DENND1B: variants seen among roughly 807,000 people sequenced by gnomAD.
DENND1B encodes DENN domain-containing protein 1B.
Under a neutral mutation model 90.1 loss-of-function variants are expected in DENND1B, and 59 were observed. The observed-to-expected ratio is 0.65, with a 90% CI of 0.53 to 0.81. DENND1B has a LOEUF of 0.81. Ranked by LOEUF, DENND1B falls within the 40% of genes least tolerant of loss-of-function variation. The pLI is 0.00. For missense variants in DENND1B, 862 were observed against 912.6 expected (o/e 0.94, Z 0.71); for synonymous variants, 337 against 324.6 (o/e 1.04, Z -0.41).
At chr1:197,754,304 A>C (rs916801539) in intron 2 of DENND1B, among the ~76,000 whole-genome samples, 72 of 152,330 alleles carry the variant, frequency 4.7e-4, no homozygotes, top group African/African-American at 1.5e-3. Flanking sequence ...ATGATACTCA[A>C]GAACTTATTT....
chr1:197,596,479 G>GA (rs1001326866), intron 13 of DENND1B, among the ~76,000 whole-genome samples: 1 of 151,344 alleles, frequency 6.6e-6, no homozygotes. Context: ...GTTTTATTTA[G>GA]AAAAAAAACT....
chr1:197,666,718 A>G (rs142414318), intron 5 of DENND1B, among the ~76,000 whole-genome samples: 2 of 152,364 alleles, frequency 1.3e-5, no homozygotes, highest in African/African-American at 4.8e-5. Context: ...TTCTGGAAGC[A>G]GCACAGTCTG....
chr1:197,678,534 A>G (rs1202296154), intron 3 of DENND1B, among the ~76,000 whole-genome samples: 1 of 152,148 alleles, frequency 6.6e-6, no homozygotes, highest in Non-Finnish European at 1.5e-5. Flanking sequence ...ATTTATTTAT[A>G]CTTTACACAA....
intron 2 of DENND1B, among the ~76,000 whole-genome samples, chr1:197,759,196 T>C (rs1406760656): frequency 6.6e-6 from 1 of 151,604 alleles, no homozygotes; most frequent in Non-Finnish European, 1.5e-5. Flanking sequence ...CTGGAACTCC[T>C]GGCCTCATGT....
rs1433705510 is a variant in DENND1B at position 197,506,446 on chromosome 1, T to A, written c.*4014A>T. Reference sequence around the variant, plus strand: ...ACTAGATTTGGGGATTCATTTTACATTCTTAAATATTCTGATTTACAAATA... The same window carrying A: ...ACTAGATTTGGGGATTCATTTTACAATCTTAAATATTCTGATTTACAAATA... On this transcript the variant is annotated 3_prime_UTR_variant, in exon 23 of 23. Coordinates refer to ENST00000620048, the MANE Select transcript of DENND1B (RefSeq NM_001195215.2). 6.6e-6 allele frequency: 1 copy of A among 151,574 alleles called. No homozygotes were observed. Among genetic ancestry groups the A allele is most frequent in the African/African-American group, 2.4e-5 (1 of 41,382 alleles). 9.4% of individuals were successfully genotyped at this position (151,574 alleles called of 1,614,324 possible).
chr1:197,545,782 C>A, intron 18 of DENND1B, 140 bp downstream of exon 18: 1 of 655,872 alleles, frequency 1.5e-6, no homozygotes, highest in Middle Eastern at 4.4e-4. Context: ...ATTGAATTTG[C>A]TTTGGTCAAT....
chr1:197,537,321 T>C (rs539528123), intron 20 of DENND1B, among the ~76,000 whole-genome samples: 1 of 152,258 alleles, frequency 6.6e-6, no homozygotes, highest in South Asian at 2.1e-4. Flanking sequence ...CTGTTATAAT[T>C]ATTGCTGTCA....
chr1:197,628,016 A>G (rs1678940290), intron 10 of DENND1B, among the ~76,000 whole-genome samples: 1 of 152,188 alleles, frequency 6.6e-6, no homozygotes, highest in South Asian at 2.1e-4. Context: ...CTGCTCAATG[A>G]AATAAAAGAG....
intron 19 of DENND1B, 105 bp from the exon 20 acceptor site, chr1:197,540,176 T>C (rs1670230256): frequency 3.4e-6 from 2 of 583,150 alleles, no homozygotes; most frequent in Non-Finnish European, 5.5e-6. Flanking sequence ...AGTAGCAAAA[T>C]AACACTTCAG....
At chr1:197,556,675 T>G (rs952380192) in intron 15 of DENND1B, among the ~76,000 whole-genome samples, 5 of 152,016 alleles carry the variant, frequency 3.3e-5, no homozygotes, top group Non-Finnish European at 7.4e-5. Flanking sequence ...TTTATGATCT[T>G]GGGCCACTTG....
chr1:197,675,877 C>A (rs190809051), intron 3 of DENND1B, among the ~76,000 whole-genome samples: 1 of 151,914 alleles, frequency 6.6e-6, no homozygotes, highest in East Asian at 1.9e-4. Flanking sequence ...TCAAGACGAA[C>A]GCTTCCCAGT....
At chr1:197,535,940 A>T (rs1201591539) in intron 20 of DENND1B, among the ~76,000 whole-genome samples, 1 of 152,152 alleles carries the variant, frequency 6.6e-6, no homozygotes, top group African/African-American at 2.4e-5. Flanking sequence ...ACCAGTCTAC[A>T]GAATGCACAA....
chr1:197,678,698 A>T (rs1656339467), intron 3 of DENND1B, among the ~76,000 whole-genome samples: 2 of 152,168 alleles, frequency 1.3e-5, no homozygotes, highest in Admixed American at 6.6e-5. Context: ...AGGGAGAATT[A>T]TATTAATTTG....
intron 13 of DENND1B, among the ~76,000 whole-genome samples, chr1:197,602,257 C>T (rs368123140): frequency 7.3e-5 from 11 of 151,480 alleles, no homozygotes; most frequent in African/African-American, 2.7e-4. Context: ...AATTATATTT[C>T]CTTTCAGCAA....
intron 3 of DENND1B, among the ~76,000 whole-genome samples, chr1:197,707,921 G>A (rs573331916): frequency 2.6e-5 from 4 of 151,558 alleles, no homozygotes; most frequent in African/African-American, 9.7e-5. Flanking sequence ...CCTGGGAAGC[G>A]CAAGGGGTCA....
chr1:197,542,371 G>A (rs190093834), intron 18 of DENND1B, among the ~76,000 whole-genome samples: 17 of 152,180 alleles, frequency 1.1e-4, no homozygotes, highest in African/African-American at 4.1e-4. Flanking sequence ...GAACAGGATG[G>A]AATCATTATT....
At chr1:197,759,419 T>C (rs1478242320) in intron 2 of DENND1B, among the ~76,000 whole-genome samples, 1 of 148,570 alleles carries the variant, frequency 6.7e-6, no homozygotes, top group Non-Finnish European at 1.5e-5. Flanking sequence ...AAATATATAA[T>C]AAATGAAAAA....
At chr1:197,738,056 C>G (rs1331068363) in intron 2 of DENND1B, among the ~76,000 whole-genome samples, 1 of 152,136 alleles carries the variant, frequency 6.6e-6, no homozygotes, top group East Asian at 1.9e-4. Context: ...TCCCTATTTA[C>G]TTTCCCCTTC....
chr1:197,607,170 ACTCTCT>A lies in DENND1B; in HGVS notation c.820-2_823del, dbSNP rs1233235851. ...AACATCTTCCAATGATTTGTTTTTC[ACTCTCT>A]ATAAAAAAAACACAATTATGAATAC... On this transcript the variant is annotated splice_acceptor_variant and coding_sequence_variant, in exon 13 of 23. Transcript: ENST00000620048. LOFTEE classifies it high-confidence loss of function. The A allele has an allele frequency of 6.9e-7, 1 of 1,445,492 alleles. No individual in the cohort carries two copies. Among genetic ancestry groups the A allele is most frequent in the Non-Finnish European group, 9.1e-7 (1 of 1,096,862 alleles). 89.5% of individuals were successfully genotyped at this position (1,445,492 alleles called of 1,614,324 possible).
Sources: allele counts gnomAD v4.1 joint callset (sites outside exome capture counted in the v4.1 genomes callset), GRCh38; gene constraint gnomAD v4.1.1; transcripts MANE v1.5; gene names NCBI Gene and HGNC (gene_info 2026-07-23, HGNC 2026-07-21).